Variants in ROBO2 observed in about 807,000 individuals in gnomAD.
ROBO2 encodes the protein roundabout guidance receptor 2.
In ROBO2, 53 loss-of-function variants were observed where a neutral mutation model predicts 160.8. That is an observed-to-expected ratio of 0.33 (90% confidence interval 0.26 to 0.41). The LOEUF is 0.41. Ranked by LOEUF, ROBO2 falls within the 10% of genes least tolerant of loss-of-function variation. ROBO2 has a pLI of 1.00. For synonymous variants in ROBO2, 664 were observed against 611.7 expected, an observed-to-expected ratio of 1.09 and a Z score of -1.26; for missense variants, 1,577 against 1,722.4, an observed-to-expected ratio of 0.92 and a Z score of 1.49.
At chr3:77,000,598 G>C (rs1038391482) in intron 2 of ROBO2, among the ~76,000 whole-genome samples, 6 of 152,034 alleles carry the variant, frequency 3.9e-5, no homozygotes, top group Admixed American at 3.9e-4. Context: ...TCTAAGCATG[G>C]CTTCTTCAAA....
At chr3:77,397,146 A>G (rs2075356730) in intron 2 of ROBO2, among the ~76,000 whole-genome samples, 1 of 152,052 alleles carries the variant, frequency 6.6e-6, no homozygotes, top group South Asian at 2.1e-4. Flanking sequence ...TGGGGAAAAA[A>G]TTGCTCTCTC....
At chr3:76,045,172 GC>G (rs748527790) in intron 2 of ROBO2, among the ~76,000 whole-genome samples, 1 of 151,880 alleles carries the variant, frequency 6.6e-6, no homozygotes, top group African/African-American at 2.4e-5. Context: ...ACTATATAGT[GC>G]CCCCGTGTGG....
chr3:76,246,350 G>A (rs1424934895), intron 2 of ROBO2, among the ~76,000 whole-genome samples: 1 of 152,076 alleles, frequency 6.6e-6, no homozygotes, highest in East Asian at 1.9e-4. Context: ...CTTGTAATTT[G>A]AGGACGTAAG....
intron 2 of ROBO2, among the ~76,000 whole-genome samples, chr3:76,343,044 C>A (rs1436971712): frequency 6.6e-6 from 1 of 151,870 alleles, no homozygotes; most frequent in African/African-American, 2.4e-5. Context: ...GTTCCAAAGA[C>A]AAGAACACAT....
chr3:77,648,125 G>A (rs1185660145), exon 26 of ROBO2: 1 of 152,120 alleles, frequency 6.6e-6, no homozygotes, highest in African/African-American at 2.4e-5. Context: ...AGAGACTGAG[G>A]AAGATGAAAA....
intron 2 of ROBO2, among the ~76,000 whole-genome samples, chr3:76,981,269 T>G (rs2149327781): frequency 6.6e-6 from 1 of 152,314 alleles, no homozygotes; most frequent in Admixed American, 6.5e-5. Flanking sequence ...GACAGACTAT[T>G]TTCCAAAGTG....
At chr3:76,939,979 A>ATTTTTTTTTTTTTTTTTTT (rs71104641) in intron 2 of ROBO2, among the ~76,000 whole-genome samples, 1 of 120,552 alleles carries the variant, frequency 8.3e-6, no homozygotes. Flanking sequence ...AAGCAACAGG[A>ATTTTTTTTTTTTTTTTTTT]TTTTTTTTTT....
At chr3:75,974,183 A>G (rs2065073673) in intron 2 of ROBO2, among the ~76,000 whole-genome samples, 2 of 151,772 alleles carry the variant, frequency 1.3e-5, no homozygotes, top group Admixed American at 1.3e-4. Context: ...TGAATACAAA[A>G]TGTAGAGCGT....
intron 2 of ROBO2, among the ~76,000 whole-genome samples, chr3:75,990,336 AG>A (rs1235511531): frequency 6.6e-6 from 1 of 152,318 alleles, no homozygotes; most frequent in Admixed American, 6.5e-5. Context: ...AATTTGTTTT[AG>A]GTCACCCTGT....
At chr3:76,823,332 G>T (rs892552929) in intron 2 of ROBO2, among the ~76,000 whole-genome samples, 1 of 152,030 alleles carries the variant, frequency 6.6e-6, no homozygotes, top group African/African-American at 2.4e-5. Context: ...ATTCAAAACA[G>T]CAAACTTTAA....
intron 2 of ROBO2, among the ~76,000 whole-genome samples, chr3:76,537,050 A>C (rs1056758868): frequency 7.2e-5 from 11 of 151,980 alleles, no homozygotes; most frequent in African/African-American, 2.7e-4. Context: ...GCTGAGGAAG[A>C]ATTGGGACTT....
intron 2 of ROBO2, among the ~76,000 whole-genome samples, chr3:77,234,899 G>A (rs1184718460): frequency 6.6e-6 from 1 of 152,212 alleles, no homozygotes; most frequent in Non-Finnish European, 1.5e-5. Context: ...GGTGATGCCA[G>A]TATCAAGGGA....
At chr3:75,978,244 C>T (rs1051052046) in intron 2 of ROBO2, among the ~76,000 whole-genome samples, 2 of 151,364 alleles carry the variant, frequency 1.3e-5, no homozygotes, top group Non-Finnish European at 3.0e-5. Context: ...TCTGTTTTTT[C>T]ATAAGTCTAG....
At chr3:76,186,909 T>C (rs1206258112) in intron 2 of ROBO2, among the ~76,000 whole-genome samples, 1 of 151,992 alleles carries the variant, frequency 6.6e-6, no homozygotes, top group African/African-American at 2.4e-5. Flanking sequence ...TGTTTGACAG[T>C]GAATCCTTAC....
intron 2 of ROBO2, among the ~76,000 whole-genome samples, chr3:76,772,144 T>G (rs2061943295): frequency 6.6e-6 from 1 of 151,286 alleles, no homozygotes; most frequent in Non-Finnish European, 1.5e-5. Flanking sequence ...ATGTGGGCTT[T>G]GTTTGTAAAA....
In ROBO2 at chr3:76,116,661, TCA is replaced by T. The variant is rs139155686; in HGVS notation, c.109+179062_109+179063del. ...TCCTTCTGTTACCAGAGTCAAGGACTCACAAATAATATGCTGGCATTTTATCT... is the reference window on the plus strand; with the variant it reads ...TCCTTCTGTTACCAGAGTCAAGGACTCAAATAATATGCTGGCATTTTATCT... On this transcript the variant is annotated intron_variant, in intron 2 of 26. Coordinates refer to the ROBO2 transcript ENST00000487694. Among the ~76,000 whole-genome samples the T allele has an allele frequency of 4.3e-3, 648 of 152,278 alleles. 11 individuals are homozygous for T. The highest frequency in any genetic ancestry group is 0.027 in the Admixed American group (407 of 15,290).
At chr3:76,474,042 A>G (rs1309577131) in intron 2 of ROBO2, among the ~76,000 whole-genome samples, 1 of 152,152 alleles carries the variant, frequency 6.6e-6, no homozygotes, top group African/African-American at 2.4e-5. Context: ...CAAAGAATGG[A>G]AAAAAAGAAA....
At chr3:76,273,114 CATATAAATATAT>C (rs1363611567) in intron 2 of ROBO2, among the ~76,000 whole-genome samples, 4,869 of 106,590 alleles carry the variant, frequency 0.046, 146 homozygotes, top group African/African-American at 0.075. Context: ...TACACACACA[CATATAAATATAT>C]ATATATATAT....
intron 24 of ROBO2, among the ~76,000 whole-genome samples, chr3:77,644,105 TAG>T: frequency 8.0e-6 from 1 of 125,472 alleles, no homozygotes; most frequent in Non-Finnish European, 1.7e-5. Flanking sequence ...GAGTTATTTG[TAG>T]AGAGACAATC....
Sources: allele counts gnomAD v4.1 joint callset (sites outside exome capture counted in the v4.1 genomes callset), GRCh38; gene constraint gnomAD v4.1.1; transcripts MANE v1.5; gene names NCBI Gene and HGNC (gene_info 2026-07-23, HGNC 2026-07-21).